The following SUSD6 variants were observed in gnomAD, a reference collection of about 807,000 sequenced individuals.
SUSD6 encodes sushi domain-containing protein 6.
In SUSD6, 16 loss-of-function variants were observed where a neutral mutation model predicts 28.4. The observed-to-expected ratio is 0.56, with a 90% CI of 0.38 to 0.86. The LOEUF (loss-of-function observed/expected upper bound fraction) is 0.86, where lower values mean the gene tolerates loss of function less well. Ranked by LOEUF, SUSD6 falls within the 40% of genes least tolerant of loss-of-function variation. SUSD6 has a pLI of 0.00. For synonymous variants in SUSD6, 147 were observed against 159.6 expected (o/e 0.92, Z 0.59); for missense variants, 341 against 384.2 (o/e 0.89, Z 0.94).
chr14:69,690,403 G>A (rs946597513), intron 2 of SUSD6, among the ~76,000 whole-genome samples: 4 of 152,190 alleles, frequency 2.6e-5, no homozygotes, highest in African/African-American at 9.7e-5. Context: ...TTTGCAGCAG[G>A]CTTGAATGCA....
chr14:69,695,356 C>T (rs1039095456), intron 2 of SUSD6, among the ~76,000 whole-genome samples: 1 of 152,216 alleles, frequency 6.6e-6, no homozygotes, highest in Non-Finnish European at 1.5e-5. Flanking sequence ...ACAGGATGAT[C>T]TCTAGCCCCT....
chr14:69,684,776 C>G (rs1886048305), intron 2 of SUSD6, among the ~76,000 whole-genome samples: 1 of 152,206 alleles, frequency 6.6e-6, no homozygotes, highest in African/African-American at 2.4e-5. Flanking sequence ...ACTTCCCCTG[C>G]CAGGAGATGT....
intron 1 of SUSD6, among the ~76,000 whole-genome samples, chr14:69,641,043 A>G (rs760906400): frequency 6.6e-5 from 10 of 152,214 alleles, no homozygotes; most frequent in Non-Finnish European, 1.0e-4. Context: ...ATATTATTCC[A>G]GTGCACAAAA....
intron 1 of SUSD6, among the ~76,000 whole-genome samples, chr14:69,631,242 G>A (rs892565177): frequency 6.6e-6 from 1 of 152,216 alleles, no homozygotes; most frequent in Non-Finnish European, 1.5e-5. Flanking sequence ...CCTCAAGGGG[G>A]TGCATAGCTG....
intron 2 of SUSD6, chr14:69,670,467 A>G (rs915035071): frequency 2.2e-6 from 1 of 456,736 alleles, no homozygotes; most frequent in Non-Finnish European, 4.4e-6. Flanking sequence ...TGGTCATGGA[A>G]GGCTTTTCTG....
intron 2 of SUSD6, among the ~76,000 whole-genome samples, chr14:69,661,755 A>C (rs1469798302): frequency 6.6e-6 from 1 of 152,142 alleles, no homozygotes; most frequent in Non-Finnish European, 1.5e-5. Flanking sequence ...GAGGAAAGGC[A>C]GTTTAATTCA....
Position 69,713,614 on chromosome 14 carries a change from G to A in SUSD6, c.*2635G>A, listed in dbSNP as rs963860992. On this transcript the variant is annotated 3_prime_UTR_variant, in exon 6 of 6. Transcript: ENST00000342745. ...CCACAGCTGCCTTGAGGTAGGGCCT[G>A]GCTGAGAGACAAGGGTAGCAGCAGG... is the stretch of plus-strand genomic sequence containing the variant. 1.3e-5 allele frequency: 2 copies of A among 152,296 alleles called. No homozygotes were observed. The highest frequency in any genetic ancestry group is 4.8e-5 in the African/African-American group (2 of 41,444). 9.4% of individuals were successfully genotyped at this position (152,296 alleles called of 1,614,324 possible). A position where few individuals can be genotyped will look rare whatever the true frequency, so the allele number is the denominator to read the frequency against.
intron 1 of SUSD6, among the ~76,000 whole-genome samples, chr14:69,633,427 T>C (rs1885222806): frequency 6.6e-6 from 1 of 152,218 alleles, no homozygotes; most frequent in Non-Finnish European, 1.5e-5. Flanking sequence ...TGCCACCCGC[T>C]ATCTAGCATG....
chr14:69,683,235 C>A lies in SUSD6; in HGVS notation c.122-20160C>A, dbSNP rs78461644. On this transcript the variant is annotated intron_variant, in intron 2 of 5. Transcript: ENST00000342745. The stretch of plus-strand genomic sequence containing the variant: ...CTCCCTGGGAAGCAAGAGCTGGGAT[C>A]TTTTTAAGCATTTAGTTTATATATG... 8.4e-3 allele frequency among the ~76,000 whole-genome samples: 1,284 copies of A among 152,146 alleles called. 13 individuals are homozygous for A. The highest frequency in any genetic ancestry group is 0.029 in the African/African-American group (1,220 of 41,504).
At chr14:69,708,628 CTGTG>C (rs1331194260) in intron 4 of SUSD6, 45 bp from the exon 5 acceptor site, 4 of 1,423,468 alleles carry the variant, frequency 2.8e-6, no homozygotes, top group Non-Finnish European at 3.8e-6. Context: ...GCCTGTTTCT[CTGTG>C]TGTTTATTCT....
intron 4 of SUSD6, among the ~76,000 whole-genome samples, chr14:69,707,608 C>T (rs756043694): frequency 8.6e-5 from 13 of 151,960 alleles, no homozygotes; most frequent in Non-Finnish European, 1.5e-4. Context: ...ATTGGCCAGG[C>T]GTGGTGGTGC....
chr14:69,674,330 C>T (rs1405906174), intron 2 of SUSD6, among the ~76,000 whole-genome samples: 2 of 152,104 alleles, frequency 1.3e-5, no homozygotes, highest in Non-Finnish European at 2.9e-5. Context: ...ATGGAATAAG[C>T]GGTTGTATCC....
In SUSD6 at chr14:69,704,758, G is replaced by A; in HGVS notation, c.458+16G>A. ...ATCATAGCAGGTGAGTCCAGTGGCAGAGCTGACATGAGACAGGCAGGTGCA... is the reference window on the plus strand; with the variant it reads ...ATCATAGCAGGTGAGTCCAGTGGCAAAGCTGACATGAGACAGGCAGGTGCA... On this transcript the variant is annotated intron_variant, in intron 4 of 5. Coordinates refer to ENST00000342745, the MANE Select transcript of SUSD6 (RefSeq NM_014734.4). The A allele has an allele frequency of 6.2e-7, 1 of 1,611,396 alleles. No homozygotes were observed. Among genetic ancestry groups the A allele is most frequent in the Non-Finnish European group, 8.5e-7 (1 of 1,178,980 alleles).
chr14:69,626,079 G>A (rs1415654928), intron 1 of SUSD6, among the ~76,000 whole-genome samples: 1 of 152,180 alleles, frequency 6.6e-6, no homozygotes, highest in Non-Finnish European at 1.5e-5. Context: ...GAGCTTCTCT[G>A]TGGGCTCCTC....
At chr14:69,671,807 A>C (rs1424898192) in intron 2 of SUSD6, among the ~76,000 whole-genome samples, 1 of 152,168 alleles carries the variant, frequency 6.6e-6, no homozygotes, top group Non-Finnish European at 1.5e-5. Context: ...GCTTTCAGCA[A>C]AGGAACCCTT....
chr14:69,669,044 T>A (rs1347339266), intron 2 of SUSD6, among the ~76,000 whole-genome samples: 3 of 144,280 alleles, frequency 2.1e-5, no homozygotes, highest in African/African-American at 7.7e-5. Flanking sequence ...GTCTCAAGTA[T>A]TTTTTTTCTT....
chr14:69,697,696 C>A (rs192663127), intron 2 of SUSD6, among the ~76,000 whole-genome samples: 62 of 152,316 alleles, frequency 4.1e-4, no homozygotes, highest in South Asian at 3.7e-3. Flanking sequence ...TCCATCCATT[C>A]CTTCCTCCTC....
rs527364611 is a variant in SUSD6, at chr14:69,690,052, A to G, written c.122-13343A>G. On this transcript the variant is annotated intron_variant, in intron 2 of 5. Coordinates refer to ENST00000342745, the MANE Select transcript of SUSD6 (RefSeq NM_014734.4). ...GATTAAAGGTATTTTCTGTACATCA[A>G]TGTGGCATTTAGACATAGTTATCTA... 3.9e-5 allele frequency among the ~76,000 whole-genome samples: 6 copies of G among 152,348 alleles called. No homozygotes were observed. In the South Asian group the frequency reaches 6.2e-4, roughly 16 times the overall value.
chr14:69,700,353 C>G (rs1413789841), intron 2 of SUSD6, among the ~76,000 whole-genome samples: 1 of 152,158 alleles, frequency 6.6e-6, no homozygotes, highest in African/African-American at 2.4e-5. Context: ...TCTCTCCTAC[C>G]TCTAGTCCAT....
Sources: allele counts gnomAD v4.1 joint callset (sites outside exome capture counted in the v4.1 genomes callset), GRCh38; gene constraint gnomAD v4.1.1; transcripts MANE v1.5; gene names NCBI Gene and HGNC (gene_info 2026-07-23, HGNC 2026-07-21).